The following NRG1 variants were observed in gnomAD, a reference collection of about 807,000 sequenced individuals.
The protein encoded by NRG1 is neuregulin 1.
In NRG1, 18 loss-of-function variants were observed where a neutral mutation model predicts 63.8. The observed-to-expected ratio is 0.28, with a 90% CI of 0.19 to 0.42. The LOEUF (loss-of-function observed/expected upper bound fraction) is 0.42, where lower values mean the gene tolerates loss of function less well. NRG1 is among the 10% of genes least tolerant of loss of function. NRG1 has a pLI of 1.00. For synonymous variants in NRG1, 302 were observed against 301.3 expected, an observed-to-expected ratio of 1.00 and a Z score of -0.02; for missense variants, 762 against 814.7, an observed-to-expected ratio of 0.94 and a Z score of 0.79.
At chr8:32,602,043 C>T (rs1195011214) in intron 2 of NRG1, among the ~76,000 whole-genome samples, 1 of 152,096 alleles carries the variant, frequency 6.6e-6, no homozygotes, top group Non-Finnish European at 1.5e-5. Context: ...ATGCTTATCT[C>T]GATCAAATTG....
intron 1 of NRG1, among the ~76,000 whole-genome samples, chr8:32,255,690 G>A (rs1202791410): frequency 2.6e-5 from 4 of 151,994 alleles, no homozygotes. Flanking sequence ...TGTGTCTTGG[G>A]GTTGCTCTTC....
chr8:32,042,877 G>A (rs1188970286), intron 1 of NRG1, among the ~76,000 whole-genome samples: 1 of 151,480 alleles, frequency 6.6e-6, no homozygotes, highest in Non-Finnish European at 1.5e-5. Flanking sequence ...CAAAAAAAAT[G>A]AACATAGCTT....
chr8:32,643,290 G>T (rs6468121), intron 5 of NRG1, among the ~76,000 whole-genome samples: 74,186 of 151,936 alleles, frequency 0.49, 18,511 homozygotes, highest in Middle Eastern at 0.55. Context: ...CACGGTGACT[G>T]CTTAACCAAT....
intron 1 of NRG1, among the ~76,000 whole-genome samples, chr8:31,992,710 T>C (rs964814674): frequency 6.6e-6 from 1 of 152,082 alleles, no homozygotes; most frequent in Non-Finnish European, 1.5e-5. Flanking sequence ...TTACTGATTT[T>C]ATTAATTAAT....
chr8:31,869,170 T>G (rs1159173655), intron 1 of NRG1, among the ~76,000 whole-genome samples: 1 of 152,186 alleles, frequency 6.6e-6, no homozygotes, highest in Non-Finnish European at 1.5e-5. Flanking sequence ...CCTAACAACT[T>G]AAGCTTTAGG....
chr8:31,727,583 T>C (rs1813576146), intron 1 of NRG1, among the ~76,000 whole-genome samples: 1 of 152,202 alleles, frequency 6.6e-6, no homozygotes. Flanking sequence ...TATAGGTAGA[T>C]ACTGATACCC....
At position 32,027,464 on chromosome 8, in the gene NRG1, CCT is replaced by C. The variant is rs2130388366; in HGVS notation, c.37+388034_37+388035del. 1.6e-4 allele frequency among the ~76,000 whole-genome samples: 21 copies of C among 130,858 alleles called. 1 individual carries two copies. The highest frequency in any genetic ancestry group is 1.2e-3 in the South Asian group (4 of 3,346). The allele number at this position is 130,858 out of a possible 152,430, so 85.8% of individuals were successfully genotyped here. On this transcript the variant is annotated intron_variant, in intron 1 of 10. Transcript: ENST00000519301. The stretch of plus-strand genomic sequence containing the variant: ...TCCTTCCTTCCTTCCTTCCTTCCTT[CCT>C]TCCCTCCCTCCCTCCCTCCCTAATC...
chr8:31,848,671 C>A (rs1390786288), intron 1 of NRG1, among the ~76,000 whole-genome samples: 1 of 152,148 alleles, frequency 6.6e-6, no homozygotes, highest in Non-Finnish European at 1.5e-5. Context: ...GCAGCAAATT[C>A]TCATAGAAGC....
At chr8:31,902,673 C>G (rs1832182628) in intron 1 of NRG1, among the ~76,000 whole-genome samples, 1 of 151,486 alleles carries the variant, frequency 6.6e-6, no homozygotes, top group South Asian at 2.1e-4. Flanking sequence ...CTGCAAGTGG[C>G]ATAATTATTT....
chr8:32,325,325 A>G (rs1801864430), intron 1 of NRG1, among the ~76,000 whole-genome samples: 1 of 152,202 alleles, frequency 6.6e-6, no homozygotes. Flanking sequence ...CATTGATATC[A>G]AGAGACTCTA....
chr8:31,887,761 G>A (rs922059688), intron 1 of NRG1, among the ~76,000 whole-genome samples: 10 of 152,016 alleles, frequency 6.6e-5, no homozygotes, highest in African/African-American at 2.4e-4. Context: ...GTTGCAAGGA[G>A]AATGTTAACC....
At chr8:32,697,011 G>A (rs957019407) in intron 5 of NRG1, among the ~76,000 whole-genome samples, 1 of 152,168 alleles carries the variant, frequency 6.6e-6, no homozygotes, top group Non-Finnish European at 1.5e-5. Flanking sequence ...TGTGTATTTG[G>A]TATAGGTTAA....
At chr8:32,492,562 T>C (rs1277355496) in intron 1 of NRG1, among the ~76,000 whole-genome samples, 2 of 152,124 alleles carry the variant, frequency 1.3e-5, no homozygotes, top group Non-Finnish European at 2.9e-5. Flanking sequence ...TATGGAGAGA[T>C]GTCCTTAAGT....
intron 1 of NRG1, among the ~76,000 whole-genome samples, chr8:32,566,544 G>GA (rs1837488480): frequency 6.6e-6 from 1 of 152,116 alleles, no homozygotes; most frequent in Non-Finnish European, 1.5e-5. Context: ...TGCACTTGAA[G>GA]AAAAAGTAGT....
At chr8:31,846,201 T>G (rs1826672738) in intron 1 of NRG1, among the ~76,000 whole-genome samples, 1 of 152,204 alleles carries the variant, frequency 6.6e-6, no homozygotes, top group Non-Finnish European at 1.5e-5. Flanking sequence ...AATTCTAAAA[T>G]TACCTTATAA....
chr8:32,763,768 C>T, exon 12 of NRG1: 1 of 1,560,228 alleles, frequency 6.4e-7, no homozygotes, highest in Non-Finnish European at 8.7e-7. Flanking sequence ...GCCATGACCA[C>T]CCCGGCTCGT....
At chr8:31,706,112 G>A (rs1310363062) in intron 1 of NRG1, among the ~76,000 whole-genome samples, 3 of 152,190 alleles carry the variant, frequency 2.0e-5, no homozygotes, top group African/African-American at 7.2e-5. Flanking sequence ...ATCTGAAAGA[G>A]TAAATGAGTA....
chr8:32,031,142 C>G (rs544944546), intron 1 of NRG1, among the ~76,000 whole-genome samples: 1 of 152,286 alleles, frequency 6.6e-6, no homozygotes, highest in Admixed American at 6.5e-5. Context: ...AGGCCATCAG[C>G]ACAGGCCCCT....
intron 1 of NRG1, among the ~76,000 whole-genome samples, chr8:32,470,550 T>G (rs1056438901): frequency 6.6e-6 from 1 of 152,130 alleles, no homozygotes. Flanking sequence ...AATCTGAGTT[T>G]CAACCTTTTT....
Sources: allele counts gnomAD v4.1 joint callset (sites outside exome capture counted in the v4.1 genomes callset), GRCh38; gene constraint gnomAD v4.1.1; transcripts MANE v1.5; gene names NCBI Gene and HGNC (gene_info 2026-07-23, HGNC 2026-07-21).